ARHGAP21: variants seen among roughly 807,000 people sequenced by gnomAD.
ARHGAP21 encodes rho GTPase-activating protein 21.
ARHGAP21 carries 38 observed loss-of-function variants against 164.6 expected under a neutral mutation model. The observed-to-expected ratio is 0.23, with a 90% confidence interval of 0.18 to 0.30. The LOEUF (loss-of-function observed/expected upper bound fraction) is 0.30, where lower values mean the gene tolerates loss of function less well. Ranked by LOEUF, ARHGAP21 falls within the 10% of genes least tolerant of loss-of-function variation. ARHGAP21 has a pLI of 1.00. For missense variants in ARHGAP21, 1,822 were observed against 2,370.7 expected (o/e 0.77, Z 4.81); for synonymous variants, 766 against 857.9 (o/e 0.89, Z 1.87).
At chr10:24,618,635 C>G (rs1834225643) in intron 9 of ARHGAP21, among the ~76,000 whole-genome samples, 1 of 152,168 alleles carries the variant, frequency 6.6e-6, no homozygotes, top group African/African-American at 2.4e-5. Context: ...GCAACACACA[C>G]CTGACAGCAA....
chr10:24,662,528 T>C (rs983713507), intron 4 of ARHGAP21, among the ~76,000 whole-genome samples: 7 of 152,312 alleles, frequency 4.6e-5, no homozygotes, highest in East Asian at 3.9e-4. Context: ...ATGCCTGAAA[T>C]AGATTAAGTT....
Position 24,620,138 on chromosome 10 carries a change from A to G in ARHGAP21, c.1757T>C (p.Ile586Thr), listed in dbSNP as rs763577761. 1.9e-6 allele frequency: 3 copies of G among 1,613,818 alleles called. No individual in the cohort carries two copies. The Admixed American group carries it at 5.0e-5, about 27-fold the overall frequency. Residue 586 changes from isoleucine to threonine, a missense_variant, in exon 9 of 26, where the codon ATT (isoleucine) becomes ACT (threonine). This residue lies in a region of ARHGAP21 where 1,090 missense variants were observed against 1,378.9 expected (regional missense o/e 0.79). Transcript: ENST00000396432. The part of the protein sequence containing the change: ...GVGSVSQFKK[I>T]PPDLKTLQSN... ...CTGCAATGTTTTTAGATCTGGTGGA[A>G]TTTTTTTAAACTGCGACACAGATCC...
In ARHGAP21 at chr10:24,596,191, A is replaced by T. The variant is rs567354952; in HGVS notation, c.3478-148T>A. The T allele has an allele frequency of 1.4e-5, 9 of 644,368 alleles. No individual in the cohort carries two copies. In the Admixed American group the frequency reaches 1.4e-4, roughly 10 times the overall value. 39.9% of individuals were successfully genotyped at this position (644,368 alleles called of 1,614,324 possible). A position where few individuals can be genotyped will look rare whatever the true frequency, so the allele number is the denominator to read the frequency against. ...ATACAGACATTATAGATCTGGGAAT[A>T]GATAAAACCTGCAAGAGATATTTGA... is the stretch of plus-strand genomic sequence containing the variant. On this transcript the variant is annotated intron_variant, in intron 17 of 25. Transcript: ENST00000396432.
At position 24,591,628 on chromosome 10, in the gene ARHGAP21, C is replaced by T. The variant is rs1282027523; in HGVS notation, c.4044+14G>A. The stretch of plus-strand genomic sequence containing the variant: ...TGAAACTACTGAGTACAAATGCTGA[C>T]AGACAATACTTACAAGAGGCTCTTC... On this transcript the variant is annotated intron_variant, in intron 23 of 25. Transcript: ENST00000396432. The T allele has an allele frequency of 6.2e-7, 1 of 1,613,558 alleles. No homozygotes were observed. The highest frequency in any genetic ancestry group is 8.5e-7 in the Non-Finnish European group (1 of 1,179,520).
intron 4 of ARHGAP21, among the ~76,000 whole-genome samples, chr10:24,656,015 C>T (rs1424910440): frequency 1.4e-5 from 2 of 141,176 alleles, no homozygotes; most frequent in East Asian, 2.2e-4. Flanking sequence ...CCCCTCCGCC[C>T]GGCAGCTGCC....
In ARHGAP21 at chr10:24,633,883, C is replaced by CTTTTTTTT. The variant is rs3073324; in HGVS notation, c.362-411_362-404dup. Among the ~76,000 whole-genome samples, 25 of 75,496 alleles carry CTTTTTTTT rather than the reference C, an allele frequency of 3.3e-4. 1 individual carries two copies. The highest frequency in any genetic ancestry group is 1.8e-3 in the East Asian group (4 of 2,230). 49.5% of individuals were successfully genotyped at this position (75,496 alleles called of 152,430 possible). A position where few individuals can be genotyped will look rare whatever the true frequency, so the allele number is the denominator to read the frequency against. On this transcript the variant is annotated intron_variant, in intron 5 of 25. Transcript: ENST00000396432. ...CTCCACGTACCCTGTCTTTTTTTCTCTTTTTTTTTTTTTTTTTTTTTTTTT... is the reference window on the plus strand; with the variant it reads ...CTCCACGTACCCTGTCTTTTTTTCTCTTTTTTTTTTTTTTTTTTTTTTTTTTTTTTTTT...
chr10:24,686,797 A>G (rs1233535204), intron 2 of ARHGAP21, among the ~76,000 whole-genome samples: 4 of 152,194 alleles, frequency 2.6e-5, no homozygotes, highest in African/African-American at 9.7e-5. Flanking sequence ...CTGTTTTCAC[A>G]TGTTTCCCGT....
At chr10:24,694,678 A>G (rs1425880113) in intron 2 of ARHGAP21, among the ~76,000 whole-genome samples, 1 of 152,012 alleles carries the variant, frequency 6.6e-6, no homozygotes, top group Non-Finnish European at 1.5e-5. Flanking sequence ...ACACTTTTTC[A>G]CTTTGCTTTT....
intron 4 of ARHGAP21, among the ~76,000 whole-genome samples, chr10:24,651,344 C>G (rs1351809073): frequency 6.6e-6 from 1 of 152,186 alleles, no homozygotes; most frequent in African/African-American, 2.4e-5. Context: ...CAATTCTTTC[C>G]TTTCCTCTCT....
intron 2 of ARHGAP21, among the ~76,000 whole-genome samples, chr10:24,700,522 G>T (rs149392811): frequency 1.3e-5 from 2 of 152,092 alleles, no homozygotes; most frequent in South Asian, 4.1e-4. Flanking sequence ...AGATGGTTTC[G>T]ATTTTTCCAT....
In ARHGAP21 at chr10:24,620,162, C is replaced by T. The variant is rs372882159; in HGVS notation, c.1733G>A (p.Gly578Glu). ...DNRRMSGRGV[G>E]SVSQFKKIPP... is the part of the protein sequence containing the mutation. The stretch of plus-strand genomic sequence containing the variant: ...AATTTTTTTAAACTGCGACACAGAT[C>T]CCACTCCTCTACCACTCATTCGCCT... The change falls in exon 9 of 26, where the codon GGA becomes GAA. Residue 578 changes from glycine (G) to glutamate (E), a missense_variant. Physicochemically the swap from Gly to Glu is moderately conservative, Grantham distance 98. Around this residue, in one of 5 missense-constraint regions of ARHGAP21, gnomAD observed 1,090 missense variants for 1,378.9 expected, o/e 0.79. Coordinates refer to ENST00000396432, the MANE Select transcript of ARHGAP21 (RefSeq NM_020824.4). 6.2e-7 allele frequency: 1 copy of T among 1,613,970 alleles called. No homozygotes were observed. Among genetic ancestry groups the T allele is most frequent in the Non-Finnish European group, 8.5e-7 (1 of 1,179,874 alleles).
At position 24,586,087 on chromosome 10, in the gene ARHGAP21, T is replaced by C. The variant is rs1344584542; in HGVS notation, c.4202A>G (p.Lys1401Arg). The C allele has an allele frequency of 3.1e-6, 5 of 1,595,648 alleles. No homozygotes were observed. The highest frequency in any genetic ancestry group is 4.3e-6 in the Non-Finnish European group (5 of 1,173,332). Residue 1401 changes from lysine to arginine, a missense_variant, in exon 26 of 26, where the codon AAG becomes AGG. Transcript: ENST00000396432. ...AAGCAGTTCCCTGCTATACTGATCC[T>C]TTCCAGATCCCCAAGAACCCTGGGA... ...TKSKGSWGSG[K>R]DQYSRELLVS...
intron 14 of ARHGAP21, 141 bp downstream of exon 14, chr10:24,600,505 G>T: frequency 9.3e-7 from 1 of 1,077,246 alleles, no homozygotes. Context: ...GTATGTTTGA[G>T]TTTTCCTTTT....
chr10:24,598,055 A>C, intron 14 of ARHGAP21, 46 bp from the exon 15 acceptor site: 1 of 1,492,652 alleles, frequency 6.7e-7, no homozygotes, highest in Non-Finnish European at 9.3e-7. Context: ...AACATAAATA[A>C]GTGATCCTTA....
At chr10:24,666,756 CAT>C (rs1289084505) in intron 4 of ARHGAP21, among the ~76,000 whole-genome samples, 12 of 152,140 alleles carry the variant, frequency 7.9e-5, no homozygotes, top group African/African-American at 2.9e-4. Context: ...CACAAAAACA[CAT>C]ACAATTAACA....
At position 24,621,227 on chromosome 10, in the gene ARHGAP21, G is replaced by A. The variant is rs1834512116; in HGVS notation, c.668C>T (p.Pro223Leu). The A allele has an allele frequency of 6.2e-7, 1 of 1,613,828 alleles. No homozygotes were observed. Among genetic ancestry groups the A allele is most frequent in the Admixed American group, 1.7e-5 (1 of 59,998 alleles). Residue 223 changes from proline to leucine, a missense_variant, in exon 9 of 26, where the codon CCT becomes CTT. Coordinates refer to ENST00000396432, the MANE Select transcript of ARHGAP21 (RefSeq NM_020824.4). Reference sequence around the variant, plus strand: ...TTGCTGTTTGCTCAATGATGAGTCAGGAGGAGATATTTCAACTGGCTGTGC... The same window carrying A: ...TTGCTGTTTGCTCAATGATGAGTCAAGAGGAGATATTTCAACTGGCTGTGC... ...AMAQPVEISP[P>L]DSSLSKQQTS...
At chr10:24,719,098 T>TAC (rs57863565) in intron 2 of ARHGAP21, among the ~76,000 whole-genome samples, 27,304 of 147,414 alleles carry the variant, frequency 0.19, 2,655 homozygotes, top group Middle Eastern at 0.32. Context: ...CTTCACGGAC[T>TAC]ACACACACAC....
intron 9 of ARHGAP21, among the ~76,000 whole-genome samples, chr10:24,611,227 G>A (rs1221579201): frequency 1.3e-5 from 2 of 152,120 alleles, no homozygotes; most frequent in Admixed American, 6.5e-5. Context: ...CGCAGTCAGG[G>A]CCCCTTATAT....
In ARHGAP21 at chr10:24,596,507, C is replaced by A. The variant is rs2076586973; in HGVS notation, c.3477+233G>T. 5.1e-6 allele frequency: 3 copies of A among 583,252 alleles called. No homozygotes were observed. The South Asian group carries it at 7.8e-5, about 15-fold the overall frequency. The allele number at this position is 583,252 out of a possible 1,614,324, so 36.1% of individuals were successfully genotyped here. A position where few individuals can be genotyped will look rare whatever the true frequency, so the allele number is the denominator to read the frequency against. On this transcript the variant is annotated intron_variant, in intron 17 of 25. Transcript: ENST00000396432. ...GAAACACACGATTTGAAGACGAATT[C>A]TTACAGACCATTTCAGACAAATTCC...
Sources: gnomAD v4.1 joint callset for allele counts (sites outside exome capture counted in the v4.1 genomes callset) on GRCh38, gnomAD v4.1.1 for gene constraint, gnomAD v4.1.1 regional missense constraint, MANE v1.5 for transcripts, NCBI Gene and HGNC (gene_info 2026-07-23, HGNC 2026-07-21) for gene names.